Variants in BCR observed in about 807,000 individuals in gnomAD.
BCR encodes BCR activator of RhoGEF and GTPase.
In BCR, 58 loss-of-function variants were observed where a neutral mutation model predicts 138.6. The ratio of observed to expected loss-of-function variants is 0.42; its 90% CI spans 0.34 to 0.52. BCR has a LOEUF of 0.52. BCR is among the 20% of genes least tolerant of loss of function. BCR has a pLI of 0.06. For synonymous variants in BCR, 786 were observed against 730.1 expected, an observed-to-expected ratio of 1.08 and a Z score of -1.23; for missense variants, 1,599 against 1,727.2, an observed-to-expected ratio of 0.93 and a Z score of 1.32.
chr22:23,253,986 T>C lies in BCR; in HGVS notation c.1461+6T>C. ...CCCTGGAGTCCACTAAAGCGGTGAG[T>C]CCCCATGGTGTACGTGTGGCAGGAG... is the stretch of plus-strand genomic sequence containing the variant. On this transcript the variant is annotated splice_donor_region_variant and intron_variant, in intron 2 of 22. Transcript: ENST00000305877. 1 of 1,608,316 alleles carries C rather than the reference T, an allele frequency of 6.2e-7. No individual in the cohort carries two copies. Among genetic ancestry groups the C allele is most frequent in the East Asian group, 2.2e-5 (1 of 44,764 alleles).
rs189719199 is a variant in BCR, at chr22:23,288,043, C to T, written c.2527-54C>T. Reference sequence around the variant, plus strand: ...TCTAAGGTGCCCCGGGCCTACCAGGCATTTGCGTAGCCAGGGCGGAGATAA... The same window carrying T: ...TCTAAGGTGCCCCGGGCCTACCAGGTATTTGCGTAGCCAGGGCGGAGATAA... On this transcript the variant is annotated intron_variant, in intron 11 of 22. Coordinates refer to ENST00000305877, the MANE Select transcript of BCR (RefSeq NM_004327.4). The T allele has an allele frequency of 2.2e-5, 34 of 1,557,626 alleles. No homozygotes were observed. In the East Asian group the frequency reaches 7.6e-4, roughly 35 times the overall value.
chr22:23,301,816 G>A (rs900722522), intron 16 of BCR, among the ~76,000 whole-genome samples: 1 of 152,218 alleles, frequency 6.6e-6, no homozygotes, highest in Admixed American at 6.5e-5. Flanking sequence ...GGCACAGCGG[G>A]TTCCTGGTGT....
rs190380397 is a variant in BCR, at chr22:23,257,795, C to T, written c.1462-3155C>T. The stretch of plus-strand genomic sequence containing the variant: ...GCACCAAGGCAGGCTCAACTGACAG[C>T]CCTGGGTTCCTTGGACCCAACTGTC... On this transcript the variant is annotated intron_variant, in intron 2 of 22. Transcript: ENST00000305877. 6.1e-3 allele frequency among the ~76,000 whole-genome samples: 936 copies of T among 152,332 alleles called. 9 individuals are homozygous for T. The highest frequency in any genetic ancestry group is 0.021 in the African/African-American group (893 of 41,570).
intron 16 of BCR, among the ~76,000 whole-genome samples, chr22:23,304,022 G>A (rs776619894): frequency 3.6e-5 from 5 of 138,806 alleles, no homozygotes; most frequent in Non-Finnish European, 6.0e-5. Context: ...CAACCTTGAT[G>A]TCCCAGGCTC....
chr22:23,284,634 T>C (rs2073689911), intron 9 of BCR, among the ~76,000 whole-genome samples: 1 of 152,182 alleles, frequency 6.6e-6, no homozygotes. Flanking sequence ...GAGGAGAGCC[T>C]TAGTTCCCCC....
intron 1 of BCR, among the ~76,000 whole-genome samples, chr22:23,250,226 C>G (rs551224641): frequency 1.1e-4 from 16 of 152,300 alleles, no homozygotes; most frequent in Middle Eastern, 3.4e-3. Context: ...TTGACTTGAC[C>G]TTACACGGGA....
intron 4 of BCR, chr22:23,263,215 G>A: frequency 1.0e-6 from 1 of 957,654 alleles, no homozygotes. Context: ...CCAGCGCTCT[G>A]GCGCCTGCCG....
chr22:23,242,587 C>T (rs2073105644), intron 1 of BCR, among the ~76,000 whole-genome samples: 1 of 152,316 alleles, frequency 6.6e-6, no homozygotes, highest in Middle Eastern at 3.4e-3. Flanking sequence ...CTCCATGGGG[C>T]GTCTTTGCAG....
At chr22:23,240,753 T>TATC (rs374279648) in intron 1 of BCR, among the ~76,000 whole-genome samples, 160 of 152,322 alleles carry the variant, frequency 1.1e-3, no homozygotes, top group African/African-American at 3.7e-3. Flanking sequence ...ACATCCACAT[T>TATC]ATCATACACC....
rs1602025060 is a variant in BCR, at chr22:23,217,286, G to A, written c.1279+35047G>A. Among the ~76,000 whole-genome samples, 2 of 152,208 alleles carry A rather than the reference G, an allele frequency of 1.3e-5. 1 individual carries two copies. Among genetic ancestry groups the A allele is most frequent in the South Asian group, 4.1e-4 (2 of 4,834 alleles). ...CTGGACTCCTAGTTCAAGATTGCTG[G>A]GGTGTCAGATCCACTGTTAGGTCCC... On this transcript the variant is annotated intron_variant, in intron 1 of 22. Transcript: ENST00000305877.
chr22:23,254,047 T>C (rs2073264948), intron 2 of BCR, 67 bp downstream of exon 2: 5 of 1,505,456 alleles, frequency 3.3e-6, no homozygotes, highest in Non-Finnish European at 4.5e-6. Flanking sequence ...AGCCCCATGC[T>C]CAGGGGTATG....
intron 1 of BCR, among the ~76,000 whole-genome samples, chr22:23,230,043 T>C (rs2072938398): frequency 1.5e-5 from 2 of 135,170 alleles, no homozygotes; most frequent in Middle Eastern, 3.7e-3. Flanking sequence ...CAAGCTTTTC[T>C]GTTTGGTTCT....
At chr22:23,290,633 A>G in intron 14 of BCR, 1 of 542,610 alleles carries the variant, frequency 1.8e-6, no homozygotes, top group Non-Finnish European at 3.3e-6. Context: ...AGCCTGTCTC[A>G]GATCCTGGGA....
At chr22:23,190,436 G>A (rs1401005573) in intron 1 of BCR, among the ~76,000 whole-genome samples, 3 of 152,142 alleles carry the variant, frequency 2.0e-5, no homozygotes, top group Non-Finnish European at 4.4e-5. Flanking sequence ...CAAAAGTGCT[G>A]GGATTATAGG....
At chr22:23,286,197 A>T (rs151278180) in intron 10 of BCR, among the ~76,000 whole-genome samples, 53 of 152,342 alleles carry the variant, frequency 3.5e-4, no homozygotes, top group African/African-American at 1.1e-3. Flanking sequence ...CCACCCCTCT[A>T]GGTGTTCAGG....
chr22:23,240,038 G>A (rs190884249), intron 1 of BCR, among the ~76,000 whole-genome samples: 10 of 151,900 alleles, frequency 6.6e-5, no homozygotes, highest in African/African-American at 1.9e-4. Flanking sequence ...GGCTAGTCTC[G>A]AACTCCTGGC....
At chr22:23,295,189 T>C (rs2073831896) in intron 16 of BCR, 34 bp downstream of exon 16, 2 of 1,545,670 alleles carry the variant, frequency 1.3e-6, no homozygotes, top group Non-Finnish European at 8.8e-7. Context: ...CCCTGCCCGA[T>C]GCATGGCGTC....
chr22:23,217,566 G>T (rs1293832330), intron 1 of BCR, among the ~76,000 whole-genome samples: 1 of 152,192 alleles, frequency 6.6e-6, no homozygotes, highest in Admixed American at 6.5e-5. Flanking sequence ...TGTAGGATTA[G>T]GGGGCATCGG....
intron 1 of BCR, among the ~76,000 whole-genome samples, chr22:23,223,531 G>T (rs575816234): frequency 6.6e-6 from 1 of 152,244 alleles, no homozygotes; most frequent in East Asian, 1.9e-4. Flanking sequence ...GTGCACAGTC[G>T]CTCCCTTCTT....
Sources: allele counts gnomAD v4.1 joint callset (sites outside exome capture counted in the v4.1 genomes callset), GRCh38; gene constraint gnomAD v4.1.1; transcripts MANE v1.5; gene names NCBI Gene and HGNC (gene_info 2026-07-23, HGNC 2026-07-21).